C16orf78: variants seen among roughly 807,000 people sequenced by gnomAD.
C16orf78 encodes uncharacterized protein C16orf78.
Under a neutral mutation model 27.3 loss-of-function variants are expected in C16orf78, and 19 were observed. The observed-to-expected ratio is 0.70, with a 90% CI of 0.49 to 1.02. C16orf78 has a LOEUF of 1.02. Among genes scored for constraint, C16orf78 ranks in the 50% least tolerant of loss-of-function variants. C16orf78 has a pLI of 0.00. For missense variants in C16orf78, 339 were observed against 337.0 expected (o/e 1.01, Z -0.05); for synonymous variants, 130 against 116.1 (o/e 1.12, Z -0.77).
intron 3 of C16orf78, among the ~76,000 whole-genome samples, chr16:49,387,696 G>A (rs944246697): frequency 1.1e-4 from 16 of 152,096 alleles, no homozygotes; most frequent in South Asian, 2.1e-4. Context: ...TGTTGTTGTC[G>A]TTGTAGTTGG....
At chr16:49,384,509 T>G (rs757009200) in intron 3 of C16orf78, among the ~76,000 whole-genome samples, 2 of 142,640 alleles carry the variant, frequency 1.4e-5, no homozygotes, top group African/African-American at 2.6e-5. Context: ...GTCTGAGGAG[T>G]AAAAAAAAAA....
intron 3 of C16orf78, among the ~76,000 whole-genome samples, chr16:49,387,056 C>T (rs1965359688): frequency 6.6e-6 from 1 of 152,214 alleles, no homozygotes; most frequent in African/African-American, 2.4e-5. Flanking sequence ...AATTTACACT[C>T]TGATTAGCAG....
chr16:49,388,346 A>G (rs147309745), intron 3 of C16orf78, among the ~76,000 whole-genome samples: 1 of 152,128 alleles, frequency 6.6e-6, no homozygotes, highest in African/African-American at 2.4e-5. Flanking sequence ...GTGAGTGTTC[A>G]GTGATATAAA....
chr16:49,381,797 C>T (rs1336489136), intron 3 of C16orf78, among the ~76,000 whole-genome samples: 1 of 152,012 alleles, frequency 6.6e-6, no homozygotes, highest in Non-Finnish European at 1.5e-5. Context: ...GAAATAGGAA[C>T]ACTTTTACAC....
chr16:49,388,062 A>T (rs1178636841), intron 3 of C16orf78, among the ~76,000 whole-genome samples: 1 of 152,192 alleles, frequency 6.6e-6, no homozygotes, highest in Non-Finnish European at 1.5e-5. Flanking sequence ...AGACAGGCAG[A>T]TGCCTTGAGC....
chr16:49,375,142 G>T (rs762936065), intron 1 of C16orf78, among the ~76,000 whole-genome samples: 1 of 152,150 alleles, frequency 6.6e-6, no homozygotes. Context: ...TGAAGTCACA[G>T]AAGTAATAAA....
At chr16:49,396,301 A>AT (rs1965471401) in intron 3 of C16orf78, 122 bp from the exon 4 acceptor site, 1 of 1,155,878 alleles carries the variant, frequency 8.7e-7, no homozygotes, top group South Asian at 1.5e-5. Context: ...AAAAGACCTC[A>AT]TATCTCAGAA....
At chr16:49,394,494 G>T (rs918494794) in intron 3 of C16orf78, among the ~76,000 whole-genome samples, 1 of 151,226 alleles carries the variant, frequency 6.6e-6, no homozygotes, top group Non-Finnish European at 1.5e-5. Flanking sequence ...AAAAAGCAAT[G>T]AATAGAATCA....
intron 3 of C16orf78, 124 bp downstream of exon 3, chr16:49,378,717 C>A: frequency 7.0e-7 from 1 of 1,422,086 alleles, no homozygotes; most frequent in Non-Finnish European, 9.5e-7. Context: ...CCATTGTGCA[C>A]ACAGGAGTCA....
At chr16:49,398,158 AGG>A (rs1038590865) in intron 4 of C16orf78, among the ~76,000 whole-genome samples, 1 of 152,160 alleles carries the variant, frequency 6.6e-6, no homozygotes, top group African/African-American at 2.4e-5. Flanking sequence ...GGGATTGGTG[AGG>A]GGGTCTGAGC....
chr16:49,392,985 G>A (rs1344146831), intron 3 of C16orf78, among the ~76,000 whole-genome samples: 1 of 152,162 alleles, frequency 6.6e-6, no homozygotes, highest in Non-Finnish European at 1.5e-5. Context: ...GTAAATGGGA[G>A]TTCCCCTGCA....
intron 1 of C16orf78, among the ~76,000 whole-genome samples, chr16:49,376,316 T>C (rs1443491170): frequency 6.6e-6 from 1 of 152,232 alleles, no homozygotes; most frequent in Non-Finnish European, 1.5e-5. Context: ...CCATGGAGGA[T>C]GCTGAATCCT....
At chr16:49,391,936 T>G (rs1965417455) in intron 3 of C16orf78, among the ~76,000 whole-genome samples, 1 of 152,130 alleles carries the variant, frequency 6.6e-6, no homozygotes, top group Non-Finnish European at 1.5e-5. Flanking sequence ...CCACCTGACC[T>G]TATCACCCTG....
chr16:49,386,947 C>T (rs1042525045), intron 3 of C16orf78, among the ~76,000 whole-genome samples: 8 of 152,074 alleles, frequency 5.3e-5, no homozygotes, highest in African/African-American at 1.4e-4. Context: ...TTTATATTCC[C>T]TTGGGTATAT....
intron 1 of C16orf78, among the ~76,000 whole-genome samples, chr16:49,374,486 A>T (rs1300089738): frequency 6.6e-6 from 1 of 152,238 alleles, no homozygotes; most frequent in Non-Finnish European, 1.5e-5. Context: ...TTTCTAGAGG[A>T]AATGCTCTAA....
At chr16:49,393,445 A>G (rs1965437801) in intron 3 of C16orf78, among the ~76,000 whole-genome samples, 1 of 152,224 alleles carries the variant, frequency 6.6e-6, no homozygotes, top group African/African-American at 2.4e-5. Context: ...AGGGCTACCT[A>G]CATCACCCTA....
At chr16:49,393,451 C>T (rs152667) in intron 3 of C16orf78, among the ~76,000 whole-genome samples, 61,016 of 151,964 alleles carry the variant, frequency 0.4, 14,721 homozygotes, top group African/African-American at 0.68. Context: ...ACCTACATCA[C>T]CCTAAACCAA....
intron 3 of C16orf78, among the ~76,000 whole-genome samples, chr16:49,390,156 C>T (rs1298187338): frequency 6.6e-6 from 1 of 152,078 alleles, no homozygotes; most frequent in Non-Finnish European, 1.5e-5. Context: ...TATCTTTTTC[C>T]TCTGGCTTCT....
chr16:49,383,064 G>A (rs550648487), intron 3 of C16orf78, among the ~76,000 whole-genome samples: 45 of 152,312 alleles, frequency 3.0e-4, no homozygotes, highest in Non-Finnish European at 5.0e-4. Context: ...CATTCAAGTC[G>A]AATCCACTCT....
Sources: gnomAD v4.1 joint callset for allele counts (sites outside exome capture counted in the v4.1 genomes callset) on GRCh38, gnomAD v4.1.1 for gene constraint, MANE v1.5 for transcripts, NCBI Gene and HGNC (gene_info 2026-07-23, HGNC 2026-07-21) for gene names.